Variants in ASGR2 observed in about 807,000 individuals in gnomAD.
ASGR2 encodes C-type lectin domain family 4 member H2.
Under a neutral mutation model 32.3 loss-of-function variants are expected in ASGR2, and 34 were observed. That is an observed-to-expected ratio of 1.05 (90% CI 0.80 to 1.40). ASGR2 has a LOEUF of 1.40. ASGR2 is among the 40% of genes most tolerant of loss of function. The pLI, the probability that ASGR2 is intolerant of heterozygous loss-of-function variation, is 0.00. For missense variants in ASGR2, 385 were observed against 386.4 expected (o/e 1.00, Z 0.03); for synonymous variants, 143 against 150.0 (o/e 0.95, Z 0.34).
chr17:7,101,813 A>C, intron 8 of ASGR2, 73 bp from the exon 9 acceptor site: 1 of 1,551,490 alleles, frequency 6.4e-7, no homozygotes, highest in South Asian at 1.2e-5. Context: ...CCTCCTCTTC[A>C]TGACCATTTT....
Position 7,104,053 on chromosome 17 carries a change from T to G in ASGR2, c.649-1857A>C, listed in dbSNP as rs531877177. ...AAGGAAATGAAAAGTTTGAGCTACA[T>G]ACTAAAAAAAAAAGCCCAGGTGTGG... On this transcript the variant is annotated intron_variant, in intron 7 of 8. Coordinates refer to ENST00000691900, the MANE Select transcript of ASGR2 (RefSeq NM_001201352.2). Among the ~76,000 whole-genome samples, 3 of 146,938 alleles carry G rather than the reference T, an allele frequency of 2.0e-5. No homozygotes were observed. In the East Asian group the frequency reaches 6.0e-4, roughly 30 times the overall value.
chr17:7,113,973 G>C lies in ASGR2; in HGVS notation c.124+144C>G. The C allele has an allele frequency of 7.8e-7, 1 of 1,278,148 alleles. No homozygotes were observed. The highest frequency in any genetic ancestry group is 1.1e-6 in the Non-Finnish European group (1 of 934,784). The allele number at this position is 1,278,148 out of a possible 1,614,324, so 79.2% of individuals were successfully genotyped here. On this transcript the variant is annotated intron_variant, in intron 2 of 8. Coordinates refer to ENST00000691900, the MANE Select transcript of ASGR2 (RefSeq NM_001201352.2). The surrounding 1 kb of genome is among the most constrained non-coding windows in gnomAD (Gnocchi z 5.1). The stretch of plus-strand genomic sequence containing the variant: ...TTTCCTGGGGTCCTGGGGTAGACAG[G>C]AAGGTGAGGTGAGGGAACAAGCGGG...
In ASGR2 at chr17:7,108,377, A is replaced by T. The variant is rs1263568790; in HGVS notation, c.337+85T>A. 2.8e-6 allele frequency: 4 copies of T among 1,403,930 alleles called. No homozygotes were observed. The highest frequency in any genetic ancestry group is 3.9e-6 in the Non-Finnish European group (4 of 1,031,444). 87.0% of individuals were successfully genotyped at this position (1,403,930 alleles called of 1,614,324 possible). A position where few individuals can be genotyped will look rare whatever the true frequency, so the allele number is the denominator to read the frequency against. The stretch of plus-strand genomic sequence containing the variant: ...CTTGCCCAGCCTGCACCCCCACGGC[A>T]CCCCACACAGCCCTGTTGCAGACTC... On this transcript the variant is annotated intron_variant, in intron 4 of 8. Transcript: ENST00000691900. This position sits in a 1 kb window ranked among gnomAD's most constrained non-coding sequence, Gnocchi z 4.9.
intron 2 of ASGR2, among the ~76,000 whole-genome samples, chr17:7,109,411 C>CCCT (rs1378110241): frequency 3.3e-5 from 5 of 151,994 alleles, no homozygotes; most frequent in African/African-American, 1.2e-4. Context: ...CTGGAACAGT[C>CCCT]CCTCCCCTGC....
intron 7 of ASGR2, among the ~76,000 whole-genome samples, chr17:7,104,593 A>G (rs994693716): frequency 2.0e-5 from 3 of 151,666 alleles, no homozygotes; most frequent in South Asian, 2.1e-4. Flanking sequence ...AGAGCTTGCA[A>G]TGAGTCGAGA....
In ASGR2 at chr17:7,107,236, C is replaced by T; in HGVS notation, c.491G>A (p.Ser164Asn). The change falls in exon 6 of 9, where the codon AGC (serine) becomes AAC (asparagine). Residue 164 changes from serine (S) to asparagine (N), a missense_variant. Coordinates refer to ENST00000691900, the MANE Select transcript of ASGR2 (RefSeq NM_001201352.2). The surrounding 1 kb of genome is among the most constrained non-coding windows in gnomAD (Gnocchi z 5.0). The stretch of plus-strand genomic sequence containing the variant: ...GGAGACGGCCCCACCCCTACCGTTG[C>T]TGTGGAGGAGCTCCATCTGGCAGGC... ...FVACQMELLH[S>N]NGSQRTCCPV... The T allele has an allele frequency of 6.2e-7, 1 of 1,614,184 alleles. No homozygotes were observed. The highest frequency in any genetic ancestry group is 8.5e-7 in the Non-Finnish European group (1 of 1,180,038).
rs539228574 is a variant in ASGR2, at chr17:7,107,664, C to T, written c.409+172G>A. On this transcript the variant is annotated intron_variant, in intron 5 of 8. Coordinates refer to ENST00000691900, the MANE Select transcript of ASGR2 (RefSeq NM_001201352.2). This position sits in a 1 kb window ranked among gnomAD's most constrained non-coding sequence, Gnocchi z 5.0. ...ACCACACTACACACCACACACAGAT[C>T]CATGACATATCACACCACACATACG... The T allele has an allele frequency of 4.2e-5, 35 of 842,318 alleles. 2 individuals carry two copies. In the East Asian group the frequency reaches 6.2e-4, roughly 15 times the overall value. The allele number at this position is 842,318 out of a possible 1,614,324, so 52.2% of individuals were successfully genotyped here. A position where few individuals can be genotyped will look rare whatever the true frequency, so the allele number is the denominator to read the frequency against.
chr17:7,106,389 G>A (rs1364535404), intron 7 of ASGR2, among the ~76,000 whole-genome samples: 1 of 152,210 alleles, frequency 6.6e-6, no homozygotes, highest in Non-Finnish European at 1.5e-5. Context: ...CTTATTGTGT[G>A]CCAAATCACA....
chr17:7,114,639 A>T lies in ASGR2; in HGVS notation c.-95T>A. On this transcript the variant is annotated 5_prime_UTR_variant, in exon 1 of 9. Coordinates refer to ENST00000691900, the MANE Select transcript of ASGR2 (RefSeq NM_001201352.2). This position sits in a 1 kb window ranked among gnomAD's most constrained non-coding sequence, Gnocchi z 4.5. ...CCTGTGAAAGGTGTGGAGAGCGGACACCTGGCTCCCGCAGGCAACCCTGGC... is the reference window on the plus strand; with the variant it reads ...CCTGTGAAAGGTGTGGAGAGCGGACTCCTGGCTCCCGCAGGCAACCCTGGC... 1 of 1,030,356 alleles carries T rather than the reference A, an allele frequency of 9.7e-7. No individual in the cohort carries two copies. The highest frequency in any genetic ancestry group is 1.2e-6 in the Non-Finnish European group (1 of 856,922). 63.8% of individuals were successfully genotyped at this position (1,030,356 alleles called of 1,614,324 possible).
chr17:7,107,189 G>A lies in ASGR2; in HGVS notation c.497-38C>T. On this transcript the variant is annotated intron_variant, in intron 6 of 8. Coordinates refer to ENST00000691900, the MANE Select transcript of ASGR2 (RefSeq NM_001201352.2). This position sits in a 1 kb window ranked among gnomAD's most constrained non-coding sequence, Gnocchi z 5.0. The stretch of plus-strand genomic sequence containing the variant: ...GGGGCAGGGAGATGAGATCCAGCCG[G>A]AGGGGCAGGCACACTGGGCCTGGAG... 1 of 1,614,210 alleles carries A rather than the reference G, an allele frequency of 6.2e-7. No homozygotes were observed. The highest frequency in any genetic ancestry group is 8.5e-7 in the Non-Finnish European group (1 of 1,180,026).
rs570916891 is a variant in ASGR2 at position 7,113,351 on chromosome 17, TCA to T, written c.124+764_124+765del. ...TAACACACACACTCACGCAACACAC[TCA>T]CACACACAACATACATAACACACTC... is the stretch of plus-strand genomic sequence containing the variant. On this transcript the variant is annotated intron_variant, in intron 2 of 8. Transcript: ENST00000691900. The surrounding 1 kb of genome is among the most constrained non-coding windows in gnomAD (Gnocchi z 5.1). 1.2e-4 allele frequency among the ~76,000 whole-genome samples: 17 copies of T among 141,800 alleles called. No homozygotes were observed. The highest frequency in any genetic ancestry group is 3.7e-4 in the African/African-American group (14 of 37,806). The allele number at this position is 141,800 out of a possible 152,430, so 93.0% of individuals were successfully genotyped here.
chr17:7,108,004 G>A lies in ASGR2; in HGVS notation c.338-97C>T, dbSNP rs990078492. The A allele has an allele frequency of 2.1e-6, 3 of 1,410,894 alleles. No individual in the cohort carries two copies. The highest frequency in any genetic ancestry group is 1.3e-5 in the South Asian group (1 of 78,626). The allele number at this position is 1,410,894 out of a possible 1,614,324, so 87.4% of individuals were successfully genotyped here. On this transcript the variant is annotated intron_variant, in intron 4 of 8. Coordinates refer to ENST00000691900, the MANE Select transcript of ASGR2 (RefSeq NM_001201352.2). This position sits in a 1 kb window ranked among gnomAD's most constrained non-coding sequence, Gnocchi z 4.9. ...CAGCGCCTCGTCCTGGGCGATGCAG[G>A]CGTCCACCTCCTGGCTTCCTGGACC...
In ASGR2 at chr17:7,108,832, G is replaced by C. The variant is rs376097637; in HGVS notation, c.181C>G (p.Leu61Val). The C allele has an allele frequency of 3.1e-6, 5 of 1,613,476 alleles. No homozygotes were observed. Among genetic ancestry groups the C allele is most frequent in the Non-Finnish European group, 3.4e-6 (4 of 1,179,792 alleles). Residue 61 changes from leucine to valine, a missense_variant, in exon 3 of 9, where the codon CTG (leucine) becomes GTG (valine). By Grantham distance (32) the Leu-to-Val change is conservative. Coordinates refer to ENST00000691900, the MANE Select transcript of ASGR2 (RefSeq NM_001201352.2). This position sits in a 1 kb window ranked among gnomAD's most constrained non-coding sequence, Gnocchi z 4.9. ...QRLCSMVCFSLLALSFNILLL... is the reference protein window; with the variant it reads ...QRLCSMVCFSVLALSFNILLL... Reference sequence around the variant, plus strand: ...AGGATGTTGAAGCTCAGGGCAAGCAGACTGAAGCAGACCATGGAGCAGAGA... The same window carrying C: ...AGGATGTTGAAGCTCAGGGCAAGCACACTGAAGCAGACCATGGAGCAGAGA...
Position 7,114,079 on chromosome 17 carries a change from A to G in ASGR2, c.124+38T>C, listed in dbSNP as rs1312728069. ...AGGGACAGAGCAATCATGAGCTGAG[A>G]CAGAGGGGGAGCAAAGCCGCAGAAA... On this transcript the variant is annotated intron_variant, in intron 2 of 8. Transcript: ENST00000691900. This position sits in a 1 kb window ranked among gnomAD's most constrained non-coding sequence, Gnocchi z 4.5. 2.5e-6 allele frequency: 4 copies of G among 1,612,754 alleles called. No homozygotes were observed. The highest frequency in any genetic ancestry group is 1.1e-5 in the South Asian group (1 of 90,970).
At chr17:7,112,837 C>G (rs980794653) in intron 2 of ASGR2, among the ~76,000 whole-genome samples, 1 of 152,118 alleles carries the variant, frequency 6.6e-6, no homozygotes, top group Non-Finnish European at 1.5e-5. Flanking sequence ...CCCTGCTCCT[C>G]CTGCCTCCAT....
chr17:7,108,676 A>G lies in ASGR2; in HGVS notation c.241+96T>C, dbSNP rs1034285276. 1 of 1,598,394 alleles carries G rather than the reference A, an allele frequency of 6.3e-7. No homozygotes were observed. The highest frequency in any genetic ancestry group is 8.6e-7 in the Non-Finnish European group (1 of 1,168,402). ...CCAGCTTGTGCTCCACCCCGCCTCC[A>G]TCCCTTCCCCTCCCATCGCCCCGAT... On this transcript the variant is annotated intron_variant, in intron 3 of 8. Coordinates refer to ENST00000691900, the MANE Select transcript of ASGR2 (RefSeq NM_001201352.2). The surrounding 1 kb of genome is among the most constrained non-coding windows in gnomAD (Gnocchi z 4.9).
intron 7 of ASGR2, 131 bp from the exon 8 acceptor site, chr17:7,102,327 G>A (rs1327736581): frequency 3.7e-5 from 27 of 736,178 alleles, no homozygotes; most frequent in Non-Finnish European, 6.0e-5. Context: ...ACCAGCTCCC[G>A]ACAAGACTGC....
chr17:7,101,682 C>T lies in ASGR2; in HGVS notation c.814G>A (p.Asp272Asn), dbSNP rs1463789050. ...WHGHELGGSE[D>N]CVEVQPDGRW... ...CCATCCGGCTGGACTTCAACACAGT[C>T]TTCACTTCCACCCAGCTCGTGCCCG... is the stretch of plus-strand genomic sequence containing the variant. The change falls in exon 9 of 9, where the codon GAC becomes AAC. Residue 272 changes from aspartate (D) to asparagine (N), a missense_variant. Asp to Asn is a conservative substitution (Grantham distance 23, BLOSUM62 1). Coordinates refer to ENST00000691900, the MANE Select transcript of ASGR2 (RefSeq NM_001201352.2). The T allele has an allele frequency of 6.2e-7, 1 of 1,614,246 alleles. No homozygotes were observed. The highest frequency in any genetic ancestry group is 8.5e-7 in the Non-Finnish European group (1 of 1,180,052).
At chr17:7,109,204 G>A (rs2151726451) in intron 2 of ASGR2, among the ~76,000 whole-genome samples, 1 of 152,096 alleles carries the variant, frequency 6.6e-6, no homozygotes, top group South Asian at 2.1e-4. Context: ...GAGACGCACA[G>A]GGGGCGGGGG....
Sources: allele counts gnomAD v4.1 joint callset (sites outside exome capture counted in the v4.1 genomes callset), GRCh38; gene constraint gnomAD v4.1.1; non-coding constraint Gnocchi (gnomAD v3.1); transcripts MANE v1.5; gene names NCBI Gene and HGNC (gene_info 2026-07-23, HGNC 2026-07-21).